Variants in TUSC3 observed in about 807,000 individuals in gnomAD.
TUSC3 encodes the protein tumor suppressor candidate 3, also known as dolichyl-diphosphooligosaccharide--protein glycosyltransferase subunit TUSC3.
A neutral mutation model predicts 44.8 loss-of-function variants in TUSC3; 45 were observed. The ratio of observed to expected loss-of-function variants is 1.00; its 90% CI spans 0.79 to 1.29. The LOEUF is 1.29. TUSC3 is among the 50% of genes most tolerant of loss of function. TUSC3 has a pLI of 0.00. For synonymous variants in TUSC3, 212 were observed against 152.9 expected (o/e 1.39, Z -2.85); for missense variants, 519 against 437.9 (o/e 1.19, Z -1.65).
At chr8:15,497,133 T>C (rs1387808888) in intron 2 of TUSC3, among the ~76,000 whole-genome samples, 5 of 152,174 alleles carry the variant, frequency 3.3e-5, no homozygotes, top group African/African-American at 4.8e-5. Context: ...ATAAAAGGTA[T>C]GGTGGTTGTC....
chr8:15,834,924 T>C, the TUSC3 span, among the ~76,000 whole-genome samples: 5 of 152,132 alleles, frequency 3.3e-5, no homozygotes, highest in Non-Finnish European at 7.4e-5. Context: ...TGTGCACAGG[T>C]TCCCCAGGAC....
chr8:15,471,742 C>A (rs1800496950), intron 1 of TUSC3, among the ~76,000 whole-genome samples: 1 of 151,970 alleles, frequency 6.6e-6, no homozygotes, highest in African/African-American at 2.4e-5. Context: ...CTCACCCTCC[C>A]AAGTAGCTGG....
chr8:15,553,343 A>T (rs149575862), intron 1 of TUSC3, among the ~76,000 whole-genome samples: 1 of 151,828 alleles, frequency 6.6e-6, no homozygotes, highest in East Asian at 2.0e-4. Flanking sequence ...AGATACCAAT[A>T]TTTTGGTGTG....
intron 2 of TUSC3, among the ~76,000 whole-genome samples, chr8:15,515,866 T>A (rs919828254): frequency 6.6e-6 from 1 of 151,982 alleles, no homozygotes; most frequent in African/African-American, 2.4e-5. Flanking sequence ...AAACGGAGTT[T>A]CACCATATTG....
At chr8:15,813,855 A>G in the TUSC3 span, among the ~76,000 whole-genome samples, 2 of 152,062 alleles carry the variant, frequency 1.3e-5, no homozygotes, top group Admixed American at 6.6e-5. Context: ...CAGTGGGATG[A>G]AGTGGTGAAG....
At chr8:15,772,887 T>G in the TUSC3 span, among the ~76,000 whole-genome samples, 24 of 152,110 alleles carry the variant, frequency 1.6e-4, no homozygotes, top group Admixed American at 1.6e-3. Context: ...ATGAACAGAA[T>G]GAAGAGGGAA....
chr8:15,650,221 TATTA>T (rs1806828974), intron 2 of TUSC3, among the ~76,000 whole-genome samples: 1 of 152,214 alleles, frequency 6.6e-6, no homozygotes, highest in African/African-American at 2.4e-5. Flanking sequence ...ATTTTAAAAC[TATTA>T]ATTTTGTTTT....
intron 9 of TUSC3, among the ~76,000 whole-genome samples, chr8:15,755,997 G>C (rs531812666): frequency 3.9e-5 from 6 of 152,242 alleles, no homozygotes; most frequent in African/African-American, 1.4e-4. Context: ...CTCTGCTTTT[G>C]AGACATGAGA....
chr8:15,467,553 G>C (rs1800429917), intron 1 of TUSC3, among the ~76,000 whole-genome samples: 2 of 152,112 alleles, frequency 1.3e-5, no homozygotes, highest in South Asian at 2.1e-4. Context: ...GTTTCATTGG[G>C]AGATGACAAT....
chr8:15,479,064 G>C (rs540746562), intron 1 of TUSC3, among the ~76,000 whole-genome samples: 6 of 152,188 alleles, frequency 3.9e-5, no homozygotes, highest in African/African-American at 1.2e-4. Flanking sequence ...ATGTTTGTTG[G>C]CCTCATAAAT....
Position 15,601,445 on chromosome 8 carries a change from C to G in TUSC3, c.139-21635C>G, listed in dbSNP as rs573076725. On this transcript the variant is annotated intron_variant, in intron 1 of 10. Coordinates refer to ENST00000503731, the MANE Select transcript of TUSC3 (RefSeq NM_006765.4). ...AACAAGAAATAATTTATTAGTGACTCCCTTCTAGTGGCAAAGGCTGGCAAC... is the reference window on the plus strand; with the variant it reads ...AACAAGAAATAATTTATTAGTGACTGCCTTCTAGTGGCAAAGGCTGGCAAC... Among the ~76,000 whole-genome samples, 9 of 151,720 alleles carry G rather than the reference C, an allele frequency of 5.9e-5. No individual in the cohort carries two copies. In the East Asian group the frequency reaches 1.6e-3, roughly 26 times the overall value.
chr8:15,446,400 G>A (rs545423626), intron 1 of TUSC3, among the ~76,000 whole-genome samples: 7 of 152,044 alleles, frequency 4.6e-5, no homozygotes, highest in Admixed American at 6.6e-5. Context: ...AGGTTGTAGC[G>A]AGTCGAGATC....
chr8:15,589,268 C>G (rs1474074911), intron 1 of TUSC3, among the ~76,000 whole-genome samples: 1 of 152,052 alleles, frequency 6.6e-6, no homozygotes, highest in African/African-American at 2.4e-5. Context: ...ATCCATTTAT[C>G]CAGTCTGTAA....
chr8:15,645,695 C>G (rs564513911), intron 2 of TUSC3, among the ~76,000 whole-genome samples: 2 of 152,032 alleles, frequency 1.3e-5, no homozygotes, highest in Non-Finnish European at 2.9e-5. Context: ...ATTGTCATTA[C>G]TAATAGGATA....
At chr8:15,753,452 C>T (rs560007424) in intron 9 of TUSC3, among the ~76,000 whole-genome samples, 16 of 152,026 alleles carry the variant, frequency 1.1e-4, no homozygotes, top group Non-Finnish European at 1.5e-4. Flanking sequence ...TATAACTGTT[C>T]CCTTCATGAC....
At chr8:15,465,755 T>C (rs2129122361) in intron 1 of TUSC3, among the ~76,000 whole-genome samples, 1 of 152,312 alleles carries the variant, frequency 6.6e-6, no homozygotes, top group Middle Eastern at 3.4e-3. Flanking sequence ...AGGTACTTTA[T>C]GAATTAGTTA....
At chr8:15,553,668 G>A (rs1291830700) in intron 1 of TUSC3, among the ~76,000 whole-genome samples, 2 of 151,688 alleles carry the variant, frequency 1.3e-5, no homozygotes, top group Non-Finnish European at 2.9e-5. Context: ...ACTAGAATGT[G>A]GTAGGTTAAT....
intron 7 of TUSC3, among the ~76,000 whole-genome samples, chr8:15,735,919 G>A (rs1456937532): frequency 1.0e-4 from 15 of 149,538 alleles, no homozygotes; most frequent in Admixed American, 2.7e-4. Flanking sequence ...TAGTAGAGAC[G>A]GGGTTTCACT....
At chr8:15,848,551 C>G in the TUSC3 span, among the ~76,000 whole-genome samples, 1 of 151,890 alleles carries the variant, frequency 6.6e-6, no homozygotes, top group Admixed American at 6.6e-5. Context: ...GGAACTGTTC[C>G]CTGCTGCCTG....
Sources: allele counts gnomAD v4.1 joint callset (sites outside exome capture counted in the v4.1 genomes callset), GRCh38; gene constraint gnomAD v4.1.1; transcripts MANE v1.5; gene names NCBI Gene and HGNC (gene_info 2026-07-23, HGNC 2026-07-21).